MEGF10: variants seen among roughly 807,000 people sequenced by gnomAD.
MEGF10 encodes multiple epidermal growth factor-like domains protein 10.
In MEGF10, 86 loss-of-function variants were observed where a neutral mutation model predicts 147.5. The observed-to-expected ratio is 0.58, with a 90% CI of 0.49 to 0.70. The LOEUF (loss-of-function observed/expected upper bound fraction) is 0.70, where lower values mean the gene tolerates loss of function less well. Ranked by LOEUF, MEGF10 falls within the 30% of genes least tolerant of loss-of-function variation. MEGF10 has a pLI of 0.00. For synonymous variants in MEGF10, 478 were observed against 525.5 expected (o/e 0.91, Z 1.24); for missense variants, 1,329 against 1,487.3 (o/e 0.89, Z 1.75).
intron 5 of MEGF10, among the ~76,000 whole-genome samples, chr5:127,371,985 T>C (rs755419826): frequency 1.1e-4 from 16 of 152,240 alleles, no homozygotes; most frequent in Non-Finnish European, 1.9e-4. Context: ...ACCCAGAATA[T>C]AGGTCTTGCT....
At chr5:127,232,863 G>C in the MEGF10 span, among the ~76,000 whole-genome samples, 1 of 152,076 alleles carries the variant, frequency 6.6e-6, no homozygotes, top group Non-Finnish European at 1.5e-5. Flanking sequence ...AGGAAGAAAA[G>C]CGAAATGTCT....
intron 18 of MEGF10, among the ~76,000 whole-genome samples, 190 bp from the exon 19 acceptor site, chr5:127,442,808 G>A (rs2127019448): frequency 6.6e-6 from 1 of 152,314 alleles, no homozygotes; most frequent in Non-Finnish European, 1.5e-5. Flanking sequence ...GCCCTGTGCA[G>A]TCTGGACTGT....
rs150862535 is a variant in MEGF10 at position 127,460,502 on chromosome 5, T to C, written c.*3184T>C. The C allele has an allele frequency of 6.6e-6, 1 of 152,290 alleles. No individual in the cohort carries two copies. The highest frequency in any genetic ancestry group is 6.5e-5 in the Admixed American group (1 of 15,282). 9.4% of individuals were successfully genotyped at this position (152,290 alleles called of 1,614,324 possible). A position where few individuals can be genotyped will look rare whatever the true frequency, so the allele number is the denominator to read the frequency against. Reference sequence around the variant, plus strand: ...ATAGAACTTTATAATAGGACAGTTATAACCTGACTGAACCAAATCCATCAG... The same window carrying C: ...ATAGAACTTTATAATAGGACAGTTACAACCTGACTGAACCAAATCCATCAG... On this transcript the variant is annotated 3_prime_UTR_variant, in exon 25 of 25. Transcript: ENST00000503335.
the MEGF10 span, among the ~76,000 whole-genome samples, chr5:127,285,635 C>A: frequency 0.067 from 10,176 of 152,146 alleles, 438 homozygotes; most frequent in African/African-American, 0.12. Context: ...CCAATAGCAG[C>A]AGCAGTTGTA....
At chr5:127,377,507 T>C (rs1443730439) in intron 5 of MEGF10, among the ~76,000 whole-genome samples, 2 of 152,206 alleles carry the variant, frequency 1.3e-5, no homozygotes, top group Admixed American at 1.3e-4. Flanking sequence ...TTAAATATAC[T>C]TGGCAGTAGT....
intron 8 of MEGF10, among the ~76,000 whole-genome samples, chr5:127,406,186 T>G (rs1381516553): frequency 6.6e-6 from 1 of 152,090 alleles, no homozygotes; most frequent in African/African-American, 2.4e-5. Context: ...ACAATAAACA[T>G]ACAAGGCAAA....
chr5:127,257,918 T>A, the MEGF10 span, among the ~76,000 whole-genome samples: 75 of 152,332 alleles, frequency 4.9e-4, no homozygotes, highest in Admixed American at 1.2e-3. Context: ...ACTTATTTTT[T>A]CACATTTATT....
intron 5 of MEGF10, among the ~76,000 whole-genome samples, chr5:127,385,336 T>C (rs1172492659): frequency 1.3e-5 from 2 of 152,278 alleles, no homozygotes; most frequent in South Asian, 4.2e-4. Flanking sequence ...TCTCACTCTG[T>C]TGCCTAGGCT....
intron 5 of MEGF10, among the ~76,000 whole-genome samples, chr5:127,395,783 A>G (rs1440015709): frequency 6.6e-6 from 1 of 151,896 alleles, no homozygotes. Context: ...TGACCTCGTG[A>G]TCCTCCCGTC....
intron 4 of MEGF10, among the ~76,000 whole-genome samples, chr5:127,342,445 A>G (rs548213082): frequency 6.6e-6 from 1 of 152,242 alleles, no homozygotes; most frequent in Non-Finnish European, 1.5e-5. Flanking sequence ...ACTCATACAA[A>G]ACTTGGAAAG....
Position 127,334,936 on chromosome 5 carries a change from G to A in MEGF10, c.116+3512G>A, listed in dbSNP as rs538256430. Among the ~76,000 whole-genome samples the A allele has an allele frequency of 8.8e-4, 134 of 152,222 alleles. 1 individual carries two copies. The highest frequency in any genetic ancestry group is 2.8e-3 in the African/African-American group (118 of 41,550). On this transcript the variant is annotated intron_variant, in intron 2 of 24. Transcript: ENST00000503335. ...AAAATGTAATTAACCACTTTGGAAC[G>A]TGCCCAAGTGATAATGTCTTCCTCC...
intron 1 of MEGF10, among the ~76,000 whole-genome samples, chr5:127,321,611 G>C (rs1760787811): frequency 6.6e-6 from 1 of 152,122 alleles, no homozygotes; most frequent in South Asian, 2.1e-4. Context: ...GCTTAACTTG[G>C]ATTGCTCATC....
At chr5:127,247,462 A>G in the MEGF10 span, among the ~76,000 whole-genome samples, 62 of 137,536 alleles carry the variant, frequency 4.5e-4, 9 homozygotes, top group Admixed American at 6.7e-4. Flanking sequence ...GAAGAAGAAG[A>G]AGAAGAAGAA....
At chr5:127,229,878 C>T in the MEGF10 span, 2 of 152,074 alleles carry the variant, frequency 1.3e-5, no homozygotes, top group South Asian at 4.1e-4. Context: ...CGGGCTGGAC[C>T]TCGAGAAACG....
intron 21 of MEGF10, among the ~76,000 whole-genome samples, chr5:127,448,688 A>G (rs1766039995): frequency 2.0e-5 from 3 of 152,204 alleles, no homozygotes; most frequent in Non-Finnish European, 4.4e-5. Context: ...GAGGCAAAGC[A>G]GATAATCTTA....
chr5:127,336,011 G>C (rs1028220523), intron 2 of MEGF10, among the ~76,000 whole-genome samples: 1 of 142,304 alleles, frequency 7.0e-6, no homozygotes, highest in South Asian at 2.4e-4. Flanking sequence ...TTAAGTGGAC[G>C]CTTCAGTTTC....
chr5:127,269,807 G>GA, the MEGF10 span, among the ~76,000 whole-genome samples: 1 of 152,124 alleles, frequency 6.6e-6, no homozygotes, highest in African/African-American at 2.4e-5. Flanking sequence ...TGAAATGAGG[G>GA]AAAAAATGTT....
intron 2 of MEGF10, among the ~76,000 whole-genome samples, chr5:127,332,165 C>T (rs1217290552): frequency 6.6e-6 from 1 of 152,092 alleles, no homozygotes; most frequent in African/African-American, 2.4e-5. Context: ...CTTTATAGTC[C>T]CTTTTGGAAC....
chr5:127,387,344 G>GT (rs1389943039), intron 5 of MEGF10, among the ~76,000 whole-genome samples: 6 of 151,976 alleles, frequency 3.9e-5, no homozygotes, highest in East Asian at 3.9e-4. Flanking sequence ...CTAATGCCTT[G>GT]TTTTTTTGTC....
Sources: gnomAD v4.1 joint callset for allele counts (sites outside exome capture counted in the v4.1 genomes callset) on GRCh38, gnomAD v4.1.1 for gene constraint, MANE v1.5 for transcripts, NCBI Gene and HGNC (gene_info 2026-07-23, HGNC 2026-07-21) for gene names.